LGR4: variants seen among roughly 807,000 people sequenced by gnomAD.
The protein encoded by LGR4 is leucine-rich repeat-containing G protein-coupled receptor 4.
A neutral mutation model predicts 84.8 loss-of-function variants in LGR4; 44 were observed. That is an observed-to-expected ratio of 0.52 (90% CI 0.41 to 0.67). LGR4 has a LOEUF of 0.67. Among genes scored for constraint, LGR4 ranks in the 30% least tolerant of loss-of-function variants. The probability of loss-of-function intolerance (pLI) is 0.00; values close to 1 mark genes in which losing one functional copy is unlikely to be tolerated. For synonymous variants in LGR4, 429 were observed against 434.3 expected (o/e 0.99, Z 0.15); for missense variants, 1,032 against 1,131.4 (o/e 0.91, Z 1.26).
chr11:27,465,116 C>T (rs993164647), intron 1 of LGR4, among the ~76,000 whole-genome samples: 3 of 152,222 alleles, frequency 2.0e-5, no homozygotes, highest in Non-Finnish European at 4.4e-5. Flanking sequence ...TAAACGTATA[C>T]CCAATCTTGG....
At position 27,366,459 on chromosome 11, in the gene LGR4, A is replaced by T. The variant is rs1193898140; in HGVS notation, c.*1408T>A. The T allele has an allele frequency of 6.6e-6, 1 of 152,586 alleles. No homozygotes were observed. The highest frequency in any genetic ancestry group is 1.9e-4 in the East Asian group (1 of 5,204). The allele number at this position is 152,586 out of a possible 1,614,324, so 9.5% of individuals were successfully genotyped here. A position where few individuals can be genotyped will look rare whatever the true frequency, so the allele number is the denominator to read the frequency against. Reference sequence around the variant, plus strand: ...CCAACTTGTGTTCTAAAAATAATTTACATAAGATAAAAATTCATTATATGC... The same window carrying T: ...CCAACTTGTGTTCTAAAAATAATTTTCATAAGATAAAAATTCATTATATGC... On this transcript the variant is annotated 3_prime_UTR_variant, in exon 18 of 18. Coordinates refer to ENST00000379214, the MANE Select transcript of LGR4 (RefSeq NM_018490.5).
At chr11:27,414,940 G>A (rs568853904) in intron 1 of LGR4, among the ~76,000 whole-genome samples, 38 of 152,208 alleles carry the variant, frequency 2.5e-4, no homozygotes, top group African/African-American at 9.1e-4. Context: ...TATTCATGGA[G>A]GAGTCTACCT....
At chr11:27,430,881 T>A (rs990642501) in intron 1 of LGR4, among the ~76,000 whole-genome samples, 1 of 151,758 alleles carries the variant, frequency 6.6e-6, no homozygotes, top group African/African-American at 2.4e-5. Flanking sequence ...TCTCAAATCA[T>A]CCCCACCCCA....
At chr11:27,422,687 C>T (rs1003283007) in intron 1 of LGR4, among the ~76,000 whole-genome samples, 3 of 152,240 alleles carry the variant, frequency 2.0e-5, no homozygotes, top group African/African-American at 7.2e-5. Flanking sequence ...TCTTATTCCT[C>T]CATTTAAACT....
intron 2 of LGR4, among the ~76,000 whole-genome samples, chr11:27,404,636 C>A (rs1863567889): frequency 6.6e-6 from 1 of 152,060 alleles, no homozygotes; most frequent in Non-Finnish European, 1.5e-5. Context: ...GTCCAAAACC[C>A]AGGTTGCACC....
In LGR4 at chr11:27,472,397, G is replaced by A. The variant is rs901015725; in HGVS notation, c.-95C>T. Reference sequence around the variant, plus strand: ...GCCGCCCCCGGGCAGCCGGCCTGCGGGCTGGAGCGGGGGTCTCTTCCTCGG... The same window carrying A: ...GCCGCCCCCGGGCAGCCGGCCTGCGAGCTGGAGCGGGGGTCTCTTCCTCGG... On this transcript the variant is annotated 5_prime_UTR_variant, in exon 1 of 18. Coordinates refer to ENST00000379214, the MANE Select transcript of LGR4 (RefSeq NM_018490.5). The A allele has an allele frequency of 3.0e-6, 3 of 1,013,032 alleles. No homozygotes were observed. The East Asian group carries it at 1.1e-4, about 36-fold the overall frequency. 62.8% of individuals were successfully genotyped at this position (1,013,032 alleles called of 1,614,324 possible).
intron 4 of LGR4, among the ~76,000 whole-genome samples, chr11:27,390,216 A>C (rs189377734): frequency 2.0e-5 from 3 of 152,248 alleles, no homozygotes; most frequent in African/African-American, 4.8e-5. Context: ...AATCATTTTC[A>C]CGCTGTATTT....
chr11:27,369,252 C>T, intron 17 of LGR4, 109 bp from the exon 18 acceptor site: 3 of 870,856 alleles, frequency 3.4e-6, no homozygotes, highest in Non-Finnish European at 5.0e-6. Context: ...ATTAAATCTG[C>T]TCTCTACTTG....
intron 4 of LGR4, 34 bp from the exon 5 acceptor site, chr11:27,385,502 A>C (rs753989528): frequency 1.5e-5 from 21 of 1,421,262 alleles, no homozygotes; most frequent in Non-Finnish European, 2.0e-5. Context: ...GTTCAGTAAC[A>C]AATTCTAGTG....
chr11:27,416,896 A>G (rs972004457), intron 1 of LGR4, among the ~76,000 whole-genome samples: 3 of 152,186 alleles, frequency 2.0e-5, no homozygotes, highest in Non-Finnish European at 2.9e-5. Context: ...ATGCTAAAGT[A>G]TCTACAGAGT....
intron 1 of LGR4, among the ~76,000 whole-genome samples, chr11:27,462,610 C>G (rs1864702383): frequency 6.6e-6 from 1 of 152,002 alleles, no homozygotes; most frequent in Admixed American, 6.6e-5. Context: ...ACCAAAGAAA[C>G]AGGGTTAGAA....
At chr11:27,451,340 T>C (rs1864477569) in intron 1 of LGR4, among the ~76,000 whole-genome samples, 2 of 152,298 alleles carry the variant, frequency 1.3e-5, no homozygotes, top group South Asian at 2.1e-4. Context: ...GTATAAATTA[T>C]GGTCCAAAGA....
At chr11:27,428,011 T>G (rs1260058800) in intron 1 of LGR4, among the ~76,000 whole-genome samples, 5 of 152,210 alleles carry the variant, frequency 3.3e-5, no homozygotes, top group Non-Finnish European at 5.9e-5. Context: ...GCTTCAGTAA[T>G]TCCTGTCCTG....
At chr11:27,409,212 A>G (rs769649207) in intron 2 of LGR4, among the ~76,000 whole-genome samples, 1 of 152,140 alleles carries the variant, frequency 6.6e-6, no homozygotes, top group African/African-American at 2.4e-5. Context: ...ACAGTGTTCC[A>G]GAAAGCACTG....
In LGR4 at chr11:27,372,345, G is replaced by A. The variant is rs768283736; in HGVS notation, c.1433C>T (p.Ser478Phe). Residue 478 changes from serine to phenylalanine, a missense_variant, in exon 16 of 18, where the codon TCT becomes TTT. By Grantham distance (155) the Ser-to-Phe change is radical. Coordinates refer to ENST00000379214, the MANE Select transcript of LGR4 (RefSeq NM_018490.5). ...ATCTTCTGTGTTTAAATTTGCATAAGAGTCACAACCCCAAAATGCACAGCA... is the reference window on the plus strand; with the variant it reads ...ATCTTCTGTGTTTAAATTTGCATAAAAGTCACAACCCCAAAATGCACAGCA... The part of the protein sequence containing the change: ...YQCCAFWGCD[S>F]YANLNTEDNS... 1 of 1,613,798 alleles carries A rather than the reference G, an allele frequency of 6.2e-7. No individual in the cohort carries two copies. Among genetic ancestry groups the A allele is most frequent in the South Asian group, 1.1e-5 (1 of 91,076 alleles).
intron 1 of LGR4, among the ~76,000 whole-genome samples, chr11:27,438,037 T>C (rs1265173846): frequency 6.6e-6 from 1 of 151,890 alleles, no homozygotes; most frequent in East Asian, 1.9e-4. Flanking sequence ...AAAAAAGACA[T>C]AGAAACCATA....
rs751398506 is a variant in LGR4, at chr11:27,384,305, A to G, written c.689+31T>C. On this transcript the variant is annotated intron_variant, in intron 6 of 17. Coordinates refer to ENST00000379214, the MANE Select transcript of LGR4 (RefSeq NM_018490.5). ...ATAAAATTATACTTTCAATATCACA[A>G]TGCAGTTGCCCAAAATATGAATATA... The G allele has an allele frequency of 5.7e-6, 8 of 1,399,722 alleles. No homozygotes were observed. The South Asian group carries it at 5.9e-5, about 10-fold the overall frequency. 86.7% of individuals were successfully genotyped at this position (1,399,722 alleles called of 1,614,324 possible).
chr11:27,454,963 A>C (rs555007660), intron 1 of LGR4, among the ~76,000 whole-genome samples: 1 of 152,320 alleles, frequency 6.6e-6, no homozygotes, highest in South Asian at 2.1e-4. Flanking sequence ...TTAATATTAA[A>C]TTAAATGTTA....
At chr11:27,444,520 C>T (rs1864355653) in intron 1 of LGR4, among the ~76,000 whole-genome samples, 1 of 152,056 alleles carries the variant, frequency 6.6e-6, no homozygotes, top group Non-Finnish European at 1.5e-5. Context: ...ACTTCTGAAA[C>T]ACTCCTTAAA....
Sources: gnomAD v4.1 joint callset for allele counts (sites outside exome capture counted in the v4.1 genomes callset) on GRCh38, gnomAD v4.1.1 for gene constraint, MANE v1.5 for transcripts, NCBI Gene and HGNC (gene_info 2026-07-23, HGNC 2026-07-21) for gene names.